The following UNC13C variants were observed in gnomAD, a reference collection of about 807,000 sequenced individuals.
UNC13C encodes the protein protein unc-13 homolog C.
A neutral mutation model predicts 245.4 loss-of-function variants in UNC13C; 174 were observed. The observed-to-expected ratio is 0.71, with a 90% CI of 0.63 to 0.80. The LOEUF (loss-of-function observed/expected upper bound fraction) is 0.80. Ranked by LOEUF, UNC13C falls within the 30% of genes least tolerant of loss-of-function variation. The probability of loss-of-function intolerance (pLI) is 0.00; values close to 1 mark genes in which losing one functional copy is unlikely to be tolerated. For synonymous variants in UNC13C, 992 were observed against 895.1 expected, an observed-to-expected ratio of 1.11 and a Z score of -1.93; for missense variants, 2,829 against 2,602.9, an observed-to-expected ratio of 1.09 and a Z score of -1.89.
At chr15:54,408,199 CAAAAAA>C (rs71105808) in intron 18 of UNC13C, among the ~76,000 whole-genome samples, 70 of 29,120 alleles carry the variant, frequency 2.4e-3, no homozygotes, top group African/African-American at 2.9e-3. Context: ...GACTCTGCCT[CAAAAAA>C]AAAAAAAAAA....
chr15:54,587,779 A>T (rs1898569546), intron 30 of UNC13C, among the ~76,000 whole-genome samples: 1 of 151,716 alleles, frequency 6.6e-6, no homozygotes, highest in Admixed American at 6.5e-5. Context: ...TCTCTACACA[A>T]ACAGCAAACA....
chr15:54,032,948 C>T (rs1015865862), intron 2 of UNC13C, among the ~76,000 whole-genome samples: 1 of 152,040 alleles, frequency 6.6e-6, no homozygotes, highest in African/African-American at 2.4e-5. Flanking sequence ...GAAGGAAAGG[C>T]ATAAGAATGA....
Position 54,079,148 on chromosome 15 carries a change from C to G in UNC13C, c.2983+63262C>G, listed in dbSNP as rs145147932. Reference sequence around the variant, plus strand: ...GTGTGTGACTTTATTTCTGTGTTCTCTATTCTGTTCCATTGATCTATGTGT... The same window carrying G: ...GTGTGTGACTTTATTTCTGTGTTCTGTATTCTGTTCCATTGATCTATGTGT... On this transcript the variant is annotated intron_variant, in intron 2 of 32. Coordinates refer to ENST00000260323, the MANE Select transcript of UNC13C (RefSeq NM_001080534.3). Among the ~76,000 whole-genome samples the G allele has an allele frequency of 5.9e-3, 893 of 152,186 alleles. 4 individuals carry two copies. The highest frequency in any genetic ancestry group is 0.01 in the Non-Finnish European group (693 of 67,956).
At chr15:54,534,287 T>C (rs768221758) in intron 26 of UNC13C, among the ~76,000 whole-genome samples, 1 of 152,110 alleles carries the variant, frequency 6.6e-6, no homozygotes, top group Non-Finnish European at 1.5e-5. Flanking sequence ...GGTTAGGACA[T>C]GCAATCCAGG....
chr15:54,505,873 C>T (rs1567335218), intron 22 of UNC13C, among the ~76,000 whole-genome samples: 2 of 151,320 alleles, frequency 1.3e-5, no homozygotes, highest in Non-Finnish European at 2.9e-5. Flanking sequence ...TAGGCTATTA[C>T]GTGTGAGATC....
At chr15:54,314,464 G>A (rs1480757586) in intron 13 of UNC13C, among the ~76,000 whole-genome samples, 1 of 151,332 alleles carries the variant, frequency 6.6e-6, no homozygotes, top group Non-Finnish European at 1.5e-5. Context: ...TATAAAGAGA[G>A]TGAGGAGGAT....
chr15:53,977,047 G>C (rs1015367246), upstream of UNC13C: 1 of 152,186 alleles, frequency 6.6e-6, no homozygotes, highest in Admixed American at 6.5e-5. Context: ...TGCCACTCCC[G>C]TGATGAGTGA....
Position 54,149,942 on chromosome 15 carries a change from A to G in UNC13C, c.3071+6258A>G, listed in dbSNP as rs568449818. On this transcript the variant is annotated intron_variant, in intron 4 of 32. Transcript: ENST00000260323. ...ATGGGATGACGTGCACAGGAAATAC[A>G]CAAATACTGTGCCATTTTATATAAG... is the stretch of plus-strand genomic sequence containing the variant. 2.0e-5 allele frequency among the ~76,000 whole-genome samples: 3 copies of G among 152,342 alleles called. No individual in the cohort carries two copies. In the South Asian group the frequency reaches 6.2e-4, roughly 32 times the overall value.
At chr15:54,439,126 T>TA (rs1890379954) in intron 19 of UNC13C, among the ~76,000 whole-genome samples, 1 of 151,948 alleles carries the variant, frequency 6.6e-6, no homozygotes, top group African/African-American at 2.4e-5. Flanking sequence ...TGCTGCTGTA[T>TA]AAAATCCATC....
In UNC13C at chr15:54,039,596, T is replaced by C. The variant is rs1479048376; in HGVS notation, c.2983+23710T>C. ...CCAGGGCTCAGTTCTTGGACTCTTTTTTTTCCTATTTATGGTTGTATATTT... is the reference window on the plus strand; with the variant it reads ...CCAGGGCTCAGTTCTTGGACTCTTTCTTTTCCTATTTATGGTTGTATATTT... On this transcript the variant is annotated intron_variant, in intron 2 of 32. Transcript: ENST00000260323. Among the ~76,000 whole-genome samples, 3 of 152,134 alleles carry C rather than the reference T, an allele frequency of 2.0e-5. 1 individual carries two copies. The South Asian group carries it at 6.2e-4, about 32-fold the overall frequency.
rs868352132 is a variant in UNC13C, at chr15:54,520,244, T to G, written c.5458-5305T>G. Among the ~76,000 whole-genome samples, 12 of 152,156 alleles carry G rather than the reference T, an allele frequency of 7.9e-5. 1 individual carries two copies. Among genetic ancestry groups the G allele is most frequent in the Non-Finnish European group, 1.5e-4 (10 of 68,024 alleles). ...ATTTCAGAGATATCACCAATCATAT[T>G]TGGTATGGAAGTAAATATGGAGGGA... On this transcript the variant is annotated intron_variant, in intron 24 of 32. Transcript: ENST00000260323.
intron 2 of UNC13C, among the ~76,000 whole-genome samples, chr15:54,032,438 G>T (rs1295081111): frequency 6.6e-6 from 1 of 152,164 alleles, no homozygotes; most frequent in African/African-American, 2.4e-5. Context: ...GTTGATGAGT[G>T]ATTGCTCAGG....
chr15:53,966,440 A>C, the UNC13C span, among the ~76,000 whole-genome samples: 4 of 152,176 alleles, frequency 2.6e-5, no homozygotes, highest in Non-Finnish European at 5.9e-5. Flanking sequence ...TATCACAAGA[A>C]TAATATTCCT....
At chr15:54,469,285 A>G (rs1892332816) in intron 19 of UNC13C, among the ~76,000 whole-genome samples, 1 of 151,598 alleles carries the variant, frequency 6.6e-6, no homozygotes, top group Admixed American at 6.6e-5. Context: ...TGTATCCTGC[A>G]ACTTCACTGA....
chr15:53,905,399 TACACAC>T, the UNC13C span, among the ~76,000 whole-genome samples: 464 of 123,590 alleles, frequency 3.8e-3, 2 homozygotes, highest in Non-Finnish European at 4.8e-3. Flanking sequence ...TATTACTTTA[TACACAC>T]ACACACACAC....
chr15:54,267,145 G>T (rs1411979717), intron 10 of UNC13C, among the ~76,000 whole-genome samples: 1 of 149,162 alleles, frequency 6.7e-6, no homozygotes, highest in African/African-American at 2.6e-5. Context: ...ACTGACATTT[G>T]TATGTAAATA....
intron 18 of UNC13C, among the ~76,000 whole-genome samples, chr15:54,414,310 G>T (rs1341879658): frequency 6.6e-6 from 1 of 152,154 alleles, no homozygotes; most frequent in Non-Finnish European, 1.5e-5. Flanking sequence ...TATGGTGTTT[G>T]CTATTCAGCT....
chr15:54,142,225 A>G (rs1485453298), intron 2 of UNC13C, among the ~76,000 whole-genome samples: 1 of 152,202 alleles, frequency 6.6e-6, no homozygotes, highest in Admixed American at 6.5e-5. Context: ...CCTTGTGTCC[A>G]TGAGTAGCTG....
chr15:54,201,324 A>G (rs1445480117), intron 4 of UNC13C, among the ~76,000 whole-genome samples: 2 of 152,226 alleles, frequency 1.3e-5, no homozygotes, highest in Middle Eastern at 3.4e-3. Context: ...TGAAGCCAGT[A>G]TCACTCTAGT....
Sources: allele counts gnomAD v4.1 joint callset (sites outside exome capture counted in the v4.1 genomes callset), GRCh38; gene constraint gnomAD v4.1.1; transcripts MANE v1.5; gene names NCBI Gene and HGNC (gene_info 2026-07-23, HGNC 2026-07-21).